ALG13: variants seen among roughly 807,000 people sequenced by gnomAD.
The protein encoded by ALG13 is ALG13 UDP-N-acetylglucosaminyltransferase subunit, also known as UDP-N-acetylglucosamine transferase subunit ALG13.
Under a neutral mutation model 87.8 loss-of-function variants are expected in ALG13, and 11 were observed. The ratio of observed to expected loss-of-function variants is 0.13; its 90% CI spans 0.08 to 0.21. The LOEUF (loss-of-function observed/expected upper bound fraction) is 0.21, where lower values mean the gene tolerates loss of function less well. Among genes scored for constraint, ALG13 ranks in the 10% least tolerant of loss-of-function variants. The pLI is 1.00. For synonymous variants in ALG13, 320 were observed against 306.3 expected, an observed-to-expected ratio of 1.04 and a Z score of -0.47; for missense variants, 756 against 866.1, an observed-to-expected ratio of 0.87 and a Z score of 1.60.
chrX:111,739,906 A>G (rs1162266185), intron 23 of ALG13, among the ~76,000 whole-genome samples: 3 of 112,361 alleles, frequency 2.7e-5, no homozygotes, highest in African/African-American at 9.7e-5. Flanking sequence ...TATCATCACA[A>G]AAAGTTGTAT....
intron 26 of ALG13, among the ~76,000 whole-genome samples, chrX:111,758,813 C>T (rs1945489691): frequency 8.9e-6 from 1 of 111,834 alleles, no homozygotes. Flanking sequence ...TAAAATACTT[C>T]ACTGAGCCAG....
At chrX:111,741,810 C>CAA (rs11311106) in intron 23 of ALG13, among the ~76,000 whole-genome samples, 6 of 57,302 alleles carry the variant, frequency 1.0e-4, no homozygotes, top group Admixed American at 4.4e-4. Flanking sequence ...GACTTTGTCT[C>CAA]AAAAAAAAAA....
intron 8 of ALG13, among the ~76,000 whole-genome samples, chrX:111,715,831 G>A (rs1940507848): frequency 8.9e-6 from 1 of 112,172 alleles, no homozygotes; most frequent in South Asian, 3.7e-4. Flanking sequence ...ATTCACTTTG[G>A]CATCTTTCAT....
At position 111,760,329 on chromosome X, in the gene ALG13, T is replaced by C. The variant is rs368492709; in HGVS notation, c.*330T>C. The C allele has an allele frequency of 3.9e-5, 7 of 179,716 alleles. No homozygotes were observed. In the East Asian group the frequency reaches 6.1e-4, roughly 16 times the overall value. 14.8% of individuals were successfully genotyped at this position (179,716 alleles called of 1,213,427 possible). A position where few individuals can be genotyped will look rare whatever the true frequency, so the allele number is the denominator to read the frequency against. ...AAATGAATATAAAGTATTTCATTGG[T>C]TCAAAAATCACACATCATATTAAAC... On this transcript the variant is annotated 3_prime_UTR_variant, in exon 27 of 27. Transcript: ENST00000394780.
Position 111,759,957 on chromosome X carries a change from T to C in ALG13, c.3372T>C (p.Ala1124=). 1 of 1,210,965 alleles carries C rather than the reference T, an allele frequency of 8.3e-7. No homozygotes were observed. The highest frequency in any genetic ancestry group is 1.8e-5 in the South Asian group (1 of 56,885). The change falls in exon 27 of 27, where the codon GCT becomes GCC. Residue 1124 remains alanine, a synonymous_variant. Coordinates refer to ENST00000394780, the MANE Select transcript of ALG13 (RefSeq NM_001099922.3). The part of the protein sequence containing the change: ...AINPGPIGCI[A]PSPPASHYVP... ...ATCCTGGGCCAATTGGCTGTATTGC[T>C]CCATCTCCCCCAGCTTCTCATTATG...
intron 2 of ALG13, among the ~76,000 whole-genome samples, chrX:111,683,046 C>T (rs2147645260): frequency 9.2e-6 from 1 of 108,441 alleles, no homozygotes; most frequent in South Asian, 4.0e-4. Context: ...AGAGAAAAGT[C>T]TTTAGAAATA....
chrX:111,694,047 A>AT (rs1276733612), intron 3 of ALG13, among the ~76,000 whole-genome samples: 5 of 106,053 alleles, frequency 4.7e-5, no homozygotes, highest in African/African-American at 1.5e-4. Flanking sequence ...ATTTTTATTT[A>AT]TTTATTTTTT....
chrX:111,760,114 T>C lies in ALG13; in HGVS notation c.*115T>C. 1 of 799,768 alleles carries C rather than the reference T, an allele frequency of 1.3e-6. No homozygotes were observed. 65.9% of individuals were successfully genotyped at this position (799,768 alleles called of 1,213,427 possible). A position where few individuals can be genotyped will look rare whatever the true frequency, so the allele number is the denominator to read the frequency against. On this transcript the variant is annotated 3_prime_UTR_variant, in exon 27 of 27. Transcript: ENST00000394780. ...GGTGATTAGTGTTTACTATTGTATT[T>C]GTCTTTAAAATTATTTTATCTTTTG...
chrX:111,744,544 TA>T, intron 23 of ALG13, 123 bp from the exon 24 acceptor site: 2 of 786,781 alleles, frequency 2.5e-6, no homozygotes, highest in Non-Finnish European at 3.6e-6. Flanking sequence ...AAGTTTTTTT[TA>T]TACCCAAACC....
At chrX:111,709,799 G>A (rs1382434728) in intron 5 of ALG13, among the ~76,000 whole-genome samples, 1 of 110,117 alleles carries the variant, frequency 9.1e-6, no homozygotes, top group Non-Finnish European at 1.9e-5. Context: ...ACTGGTTTCA[G>A]TGAATTTTAA....
At chrX:111,726,575 G>C (rs1942070629) in intron 15 of ALG13, among the ~76,000 whole-genome samples, 1 of 110,930 alleles carries the variant, frequency 9.0e-6, no homozygotes, top group Non-Finnish European at 1.9e-5. Context: ...ACCTGCCCAT[G>C]CTGGGGATAG....
intron 25 of ALG13, among the ~76,000 whole-genome samples, chrX:111,755,949 A>G (rs1304241982): frequency 8.9e-6 from 1 of 112,569 alleles, no homozygotes; most frequent in Non-Finnish European, 1.9e-5. Flanking sequence ...ATCATTTTAT[A>G]AAGACACATG....
chrX:111,726,589 C>T (rs1181492320), intron 15 of ALG13, among the ~76,000 whole-genome samples: 3 of 110,607 alleles, frequency 2.7e-5, no homozygotes, highest in Non-Finnish European at 3.8e-5. Flanking sequence ...GGGATAGTGC[C>T]GAGATATACC....
chrX:111,754,918 T>G (rs747942438), intron 25 of ALG13, among the ~76,000 whole-genome samples: 13 of 112,037 alleles, frequency 1.2e-4, no homozygotes, highest in Non-Finnish European at 2.4e-4. Flanking sequence ...TAGAAAAAAC[T>G]ACTTTAAATT....
chrX:111,760,189 A>C lies in ALG13; in HGVS notation c.*190A>C. 1 of 476,171 alleles carries C rather than the reference A, an allele frequency of 2.1e-6. No individual in the cohort carries two copies. Among genetic ancestry groups the C allele is most frequent in the South Asian group, 4.4e-5 (1 of 22,987 alleles). The allele number at this position is 476,171 out of a possible 1,213,427, so 39.2% of individuals were successfully genotyped here. Reference sequence around the variant, plus strand: ...AGGGGTATTATTTTGGGCTGTGACTAAGGAAATTGAGATGGATGTACAACT... The same window carrying C: ...AGGGGTATTATTTTGGGCTGTGACTCAGGAAATTGAGATGGATGTACAACT... On this transcript the variant is annotated 3_prime_UTR_variant, in exon 27 of 27. Coordinates refer to ENST00000394780, the MANE Select transcript of ALG13 (RefSeq NM_001099922.3).
intron 24 of ALG13, among the ~76,000 whole-genome samples, chrX:111,749,476 T>C (rs1180466130): frequency 9.2e-6 from 1 of 109,227 alleles, no homozygotes; most frequent in African/African-American, 3.3e-5. Flanking sequence ...GTCATTTGCA[T>C]GTCTCTTACA....
chrX:111,688,613 G>A (rs1935560916), intron 3 of ALG13: 1 of 749,219 alleles, frequency 1.3e-6, no homozygotes, highest in Non-Finnish European at 1.6e-6. Context: ...CGTGCCTAAT[G>A]TCAAAACTTT....
In ALG13 at chrX:111,760,010, T is replaced by C; in HGVS notation, c.*11T>C. On this transcript the variant is annotated 3_prime_UTR_variant, in exon 27 of 27. Coordinates refer to ENST00000394780, the MANE Select transcript of ALG13 (RefSeq NM_001099922.3). Reference sequence around the variant, plus strand: ...CCTCAGGGTATGTAAGATCCAGCAGTATGAAGTATTCTTGCACTGCCATTT... The same window carrying C: ...CCTCAGGGTATGTAAGATCCAGCAGCATGAAGTATTCTTGCACTGCCATTT... 1 of 1,202,755 alleles carries C rather than the reference T, an allele frequency of 8.3e-7. No homozygotes were observed.
intron 4 of ALG13, 28 bp downstream of exon 4, chrX:111,708,421 C>T (rs367664012): frequency 4.1e-4 from 485 of 1,181,137 alleles, no homozygotes; most frequent in Middle Eastern, 4.7e-4. Context: ...CTTCCCTGTA[C>T]TGAGTTTTCA....
Sources: allele counts gnomAD v4.1 joint callset (sites outside exome capture counted in the v4.1 genomes callset), GRCh38; gene constraint gnomAD v4.1.1; transcripts MANE v1.5; gene names NCBI Gene and HGNC (gene_info 2026-07-23, HGNC 2026-07-21).